Variants in PPM1L observed in about 807,000 individuals in gnomAD.
PPM1L encodes the protein protein phosphatase 1L.
A neutral mutation model predicts 31.4 loss-of-function variants in PPM1L; 13 were observed. That is an observed-to-expected ratio of 0.41 (90% CI 0.27 to 0.66). The LOEUF is 0.66. Among genes scored for constraint, PPM1L ranks in the 30% least tolerant of loss-of-function variants. The pLI, the probability that PPM1L is intolerant of heterozygous loss-of-function variation, is 0.29. For missense variants in PPM1L, 326 were observed against 453.7 expected (o/e 0.72, Z 2.56); for synonymous variants, 184 against 175.4 (o/e 1.05, Z -0.39).
intron 1 of PPM1L, among the ~76,000 whole-genome samples, chr3:160,885,435 T>C (rs1712880348): frequency 6.6e-6 from 1 of 152,188 alleles, no homozygotes; most frequent in South Asian, 2.1e-4. Flanking sequence ...AAGGCCAAGA[T>C]GGCCAACTAC....
At chr3:160,953,041 C>T (rs1715623677) in intron 1 of PPM1L, among the ~76,000 whole-genome samples, 1 of 152,080 alleles carries the variant, frequency 6.6e-6, no homozygotes, top group African/African-American at 2.4e-5. Context: ...ACTCTGTAGA[C>T]CATCCATAAG....
intron 1 of PPM1L, among the ~76,000 whole-genome samples, chr3:160,862,227 C>G (rs1425901868): frequency 6.6e-6 from 1 of 152,112 alleles, no homozygotes; most frequent in Non-Finnish European, 1.5e-5. Context: ...AAAATAAGTT[C>G]TATCCCAAAA....
chr3:161,055,335 G>A (rs1719382688), intron 2 of PPM1L, among the ~76,000 whole-genome samples: 1 of 151,992 alleles, frequency 6.6e-6, no homozygotes, highest in South Asian at 2.1e-4. Flanking sequence ...AGAGCTGCCG[G>A]GTACTTTATG....
intron 1 of PPM1L, among the ~76,000 whole-genome samples, chr3:160,799,052 A>G (rs1440785746): frequency 6.6e-6 from 1 of 152,206 alleles, no homozygotes; most frequent in Admixed American, 6.5e-5. Context: ...TAATATTATG[A>G]TCAAACTTTA....
intron 2 of PPM1L, among the ~76,000 whole-genome samples, chr3:161,015,958 GC>G (rs1486632138): frequency 1.6e-4 from 25 of 152,204 alleles, no homozygotes; most frequent in African/African-American, 5.8e-4. Context: ...ACAGTTCCCA[GC>G]CCTTGAGAAA....
At chr3:160,987,020 C>T (rs1474321489) in intron 2 of PPM1L, among the ~76,000 whole-genome samples, 3 of 152,170 alleles carry the variant, frequency 2.0e-5, no homozygotes, top group Non-Finnish European at 2.9e-5. Context: ...TTTGTCTTCA[C>T]TTAATGTCGC....
chr3:160,857,264 A>G (rs1711742610), intron 1 of PPM1L, among the ~76,000 whole-genome samples: 1 of 152,170 alleles, frequency 6.6e-6, no homozygotes, highest in Non-Finnish European at 1.5e-5. Context: ...ATAACTCTTG[A>G]ATGTGCTTTT....
chr3:160,781,770 A>T (rs1043832836), intron 1 of PPM1L, among the ~76,000 whole-genome samples: 1 of 152,188 alleles, frequency 6.6e-6, no homozygotes, highest in African/African-American at 2.4e-5. Context: ...AAGCCTAACG[A>T]TATGGGGGTT....
At chr3:160,902,407 A>G (rs1326158504) in intron 1 of PPM1L, among the ~76,000 whole-genome samples, 1 of 152,150 alleles carries the variant, frequency 6.6e-6, no homozygotes, top group Non-Finnish European at 1.5e-5. Flanking sequence ...ATCTTATGTC[A>G]TTCCCTGTTA....
At chr3:160,784,297 A>G (rs1373933953) in intron 1 of PPM1L, among the ~76,000 whole-genome samples, 2 of 152,198 alleles carry the variant, frequency 1.3e-5, no homozygotes, top group Non-Finnish European at 1.5e-5. Context: ...ATACTGTTTC[A>G]TTCACATATA....
At chr3:160,798,498 G>A (rs1351203480) in intron 1 of PPM1L, among the ~76,000 whole-genome samples, 1 of 152,146 alleles carries the variant, frequency 6.6e-6, no homozygotes, top group Non-Finnish European at 1.5e-5. Flanking sequence ...GATCTAGTCT[G>A]CTTATGCTCT....
intron 1 of PPM1L, among the ~76,000 whole-genome samples, chr3:160,819,286 T>C (rs1005065900): frequency 2.0e-5 from 3 of 152,064 alleles, no homozygotes; most frequent in African/African-American, 7.2e-5. Flanking sequence ...CCTAGCCTCA[T>C]TTAATATAAC....
intron 1 of PPM1L, among the ~76,000 whole-genome samples, chr3:160,784,964 G>A (rs1368507561): frequency 6.6e-6 from 1 of 152,222 alleles, no homozygotes; most frequent in Non-Finnish European, 1.5e-5. Flanking sequence ...ACTCTGACCA[G>A]TCTATCTGGC....
intron 1 of PPM1L, among the ~76,000 whole-genome samples, chr3:160,862,656 G>GCACACT (rs1201721869): frequency 3.6e-5 from 3 of 82,322 alleles, no homozygotes; most frequent in South Asian, 9.8e-4. Flanking sequence ...CTAATCCTAG[G>GCACACT]CACACGCACA....
chr3:160,992,428 CACTCT>C (rs1717163316), intron 2 of PPM1L, among the ~76,000 whole-genome samples: 1 of 152,118 alleles, frequency 6.6e-6, no homozygotes, highest in Non-Finnish European at 1.5e-5. Context: ...GGGCCCAAGA[CACTCT>C]ATCCAACTAA....
chr3:160,942,790 A>T (rs1218134539), intron 1 of PPM1L, among the ~76,000 whole-genome samples: 2 of 152,210 alleles, frequency 1.3e-5, no homozygotes, highest in Non-Finnish European at 2.9e-5. Context: ...GTGCATATAA[A>T]CATCATAGAT....
intron 2 of PPM1L, among the ~76,000 whole-genome samples, chr3:161,016,957 A>G (rs544539141): frequency 2.0e-5 from 3 of 152,348 alleles, no homozygotes; most frequent in Admixed American, 6.5e-5. Context: ...TATTATCTGA[A>G]CAAAACATAA....
intron 1 of PPM1L, among the ~76,000 whole-genome samples, chr3:160,887,581 T>TTG (rs1281314661): frequency 6.6e-6 from 1 of 150,436 alleles, no homozygotes; most frequent in Non-Finnish European, 1.5e-5. Context: ...AACTTTTTTT[T>TTG]TTTTCTTTTT....
intron 1 of PPM1L, among the ~76,000 whole-genome samples, chr3:160,761,300 C>T (rs957731999): frequency 1.3e-5 from 2 of 152,170 alleles, no homozygotes; most frequent in Non-Finnish European, 2.9e-5. Context: ...CTGCTTTCCT[C>T]TCCATCATTT....
Sources: gnomAD v4.1 joint callset for allele counts (sites outside exome capture counted in the v4.1 genomes callset) on GRCh38, gnomAD v4.1.1 for gene constraint, MANE v1.5 for transcripts, NCBI Gene and HGNC (gene_info 2026-07-23, HGNC 2026-07-21) for gene names.